SEM1: variants seen among roughly 807,000 people sequenced by gnomAD.
The protein encoded by SEM1 is SEM1 26S proteasome subunit, also known as 26S proteasome complex subunit SEM1.
SEM1 carries 3 observed loss-of-function variants against 12.7 expected under a neutral mutation model. The ratio of observed to expected loss-of-function variants is 0.24; its 90% CI spans 0.11 to 0.61. The LOEUF (loss-of-function observed/expected upper bound fraction) is 0.61. Ranked by LOEUF, SEM1 falls within the 20% of genes least tolerant of loss-of-function variation. The pLI is 0.88. For synonymous variants in SEM1, 30 were observed against 27.8 expected (o/e 1.08, Z -0.25); for missense variants, 59 against 81.3 (o/e 0.73, Z 1.06).
intron 2 of SEM1, among the ~76,000 whole-genome samples, chr7:96,580,823 T>C (rs1007410776): frequency 1.3e-5 from 2 of 152,198 alleles, no homozygotes; most frequent in Admixed American, 6.5e-5. Flanking sequence ...GGTTGTTTGT[T>C]TTTTCTCATA....
At chr7:96,597,730 A>G (rs1251437794) in intron 2 of SEM1, among the ~76,000 whole-genome samples, 2 of 151,808 alleles carry the variant, frequency 1.3e-5, no homozygotes, top group African/African-American at 2.4e-5. Context: ...GCACACACAC[A>G]TAGTCACATG....
intron 2 of SEM1, among the ~76,000 whole-genome samples, chr7:96,516,996 C>T (rs752574154): frequency 6.6e-6 from 1 of 151,988 alleles, no homozygotes; most frequent in Non-Finnish European, 1.5e-5. Context: ...TGTATGATTC[C>T]AACTATATAT....
At chr7:96,650,798 A>G (rs758893035) in intron 2 of SEM1, among the ~76,000 whole-genome samples, 1 of 152,128 alleles carries the variant, frequency 6.6e-6, no homozygotes, top group Non-Finnish European at 1.5e-5. Flanking sequence ...ATCTTTAGAC[A>G]GTGACCTTTT....
chr7:96,679,611 T>C (rs1038884989), intron 2 of SEM1, among the ~76,000 whole-genome samples: 3 of 152,094 alleles, frequency 2.0e-5, no homozygotes, highest in South Asian at 2.1e-4. Flanking sequence ...AAAAAGTATA[T>C]TTCTTAGTCA....
intron 2 of SEM1, among the ~76,000 whole-genome samples, chr7:96,572,078 G>T (rs1357712572): frequency 4.6e-5 from 7 of 152,108 alleles, no homozygotes; most frequent in Non-Finnish European, 8.8e-5. Context: ...GCATAGAGGT[G>T]TTTATAGTAT....
intron 2 of SEM1, among the ~76,000 whole-genome samples, chr7:96,674,565 G>A (rs754564245): frequency 5.9e-5 from 9 of 152,134 alleles, no homozygotes; most frequent in Non-Finnish European, 8.8e-5. Context: ...TACTTGGGAA[G>A]CTGATATGGG....
intron 2 of SEM1, among the ~76,000 whole-genome samples, chr7:96,674,478 G>C (rs199921171): frequency 6.6e-6 from 1 of 151,992 alleles, no homozygotes; most frequent in East Asian, 1.9e-4. Context: ...GCAACATAAG[G>C]AGACTCTTTC....
At chr7:96,626,034 T>C (rs1808052144) in intron 2 of SEM1, among the ~76,000 whole-genome samples, 1 of 152,288 alleles carries the variant, frequency 6.6e-6, no homozygotes, top group Non-Finnish European at 1.5e-5. Context: ...ATTATACTCT[T>C]TCAGTTATTT....
At chr7:96,627,007 A>G (rs1808091980) in intron 2 of SEM1, among the ~76,000 whole-genome samples, 1 of 151,924 alleles carries the variant, frequency 6.6e-6, no homozygotes, top group African/African-American at 2.4e-5. Flanking sequence ...TCATGGTTCA[A>G]TCTTGGTAGG....
At chr7:96,606,863 C>T (rs564373611) in intron 2 of SEM1, among the ~76,000 whole-genome samples, 2 of 152,238 alleles carry the variant, frequency 1.3e-5, no homozygotes, top group African/African-American at 4.8e-5. Context: ...ATTTTTCTGC[C>T]TACTCACATG....
chr7:96,531,474 T>C (rs756407773), intron 2 of SEM1, among the ~76,000 whole-genome samples: 6 of 150,040 alleles, frequency 4.0e-5, no homozygotes, highest in African/African-American at 7.4e-5. Flanking sequence ...CAGGGTGGTG[T>C]GCATCTGTAA....
At chr7:96,636,973 T>C (rs988624082) in intron 2 of SEM1, among the ~76,000 whole-genome samples, 2 of 152,052 alleles carry the variant, frequency 1.3e-5, no homozygotes, top group African/African-American at 4.8e-5. Context: ...TTGAGGCAAG[T>C]ATTCTCTGAG....
At chr7:96,610,830 G>A (rs1445752660) in intron 2 of SEM1, among the ~76,000 whole-genome samples, 1 of 152,182 alleles carries the variant, frequency 6.6e-6, no homozygotes, top group Non-Finnish European at 1.5e-5. Flanking sequence ...TATCATTGAA[G>A]GAGTTCAGGA....
chr7:96,677,728 AT>A, intron 2 of SEM1, among the ~76,000 whole-genome samples: 1 of 152,138 alleles, frequency 6.6e-6, no homozygotes, highest in South Asian at 2.1e-4. Context: ...AAAGTCCTCA[AT>A]TGGCTTCACC....
chr7:96,606,113 G>T (rs73708369), intron 2 of SEM1, among the ~76,000 whole-genome samples: 1 of 151,826 alleles, frequency 6.6e-6, no homozygotes, highest in Admixed American at 6.5e-5. Context: ...TTTATTATTA[G>T]TTATTGTTGT....
At chr7:96,493,557 T>C (rs1803113651) in intron 1 of SEM1, among the ~76,000 whole-genome samples, 1 of 152,160 alleles carries the variant, frequency 6.6e-6, no homozygotes, top group African/African-American at 2.4e-5. Context: ...TGTGGATCAC[T>C]CCAACAGCTG....
intron 1 of SEM1, among the ~76,000 whole-genome samples, chr7:96,704,435 AG>A (rs1790382918): frequency 6.6e-6 from 1 of 152,188 alleles, no homozygotes; most frequent in South Asian, 2.1e-4. Context: ...TATTTTAAAG[AG>A]GAAGTTAAGT....
upstream of SEM1, among the ~76,000 whole-genome samples, chr7:96,500,415 T>C (rs896565523): frequency 2.6e-5 from 4 of 152,220 alleles, no homozygotes; most frequent in South Asian, 2.1e-4. Flanking sequence ...TAAGGAAATA[T>C]GTCTCACGAA....
At chr7:96,500,113 A>G (rs964010778), upstream of SEM1, among the ~76,000 whole-genome samples, 2 of 152,128 alleles carry the variant, frequency 1.3e-5, no homozygotes, top group African/African-American at 4.8e-5. Flanking sequence ...ACCCCTTTGC[A>G]AATAGGAGTT....
Sources: gnomAD v4.1 joint callset for allele counts (sites outside exome capture counted in the v4.1 genomes callset) on GRCh38, gnomAD v4.1.1 for gene constraint, MANE v1.5 for transcripts, NCBI Gene and HGNC (gene_info 2026-07-23, HGNC 2026-07-21) for gene names.